Variants in NAIP observed in about 807,000 individuals in gnomAD.
The protein encoded by NAIP is NLR family apoptosis inhibitory protein.
In NAIP, 15 loss-of-function variants were observed where a neutral mutation model predicts 23.0. The ratio of observed to expected loss-of-function variants is 0.65; its 90% CI spans 0.44 to 1.00. The LOEUF (loss-of-function observed/expected upper bound fraction) is 1.00. Among genes scored for constraint, NAIP ranks in the 50% least tolerant of loss-of-function variants. The pLI, the probability that NAIP is intolerant of heterozygous loss-of-function variation, is 0.00. For synonymous variants in NAIP, 100 were observed against 100.2 expected (o/e 1.00, Z 0.01); for missense variants, 265 against 278.8 (o/e 0.95, Z 0.35).
chr5:71,011,226 G>A, intron 5 of NAIP, 49 bp downstream of exon 5: 2 of 1,433,192 alleles, frequency 1.4e-6, no homozygotes, highest in Middle Eastern at 1.8e-4. Context: ...GAGCAAGACT[G>A]TCTCAAAAAA....
intron 4 of NAIP, chr5:71,011,719 C>T (rs1453328376): frequency 2.2e-6 from 1 of 450,828 alleles, no homozygotes; most frequent in African/African-American, 2.0e-5. Flanking sequence ...TACGTTTTAG[C>T]CTTGCCATGA....
chr5:71,008,312 C>T (rs1750971287), intron 5 of NAIP, among the ~76,000 whole-genome samples: 1 of 121,074 alleles, frequency 8.3e-6, no homozygotes. Context: ...TCAAATGATC[C>T]GCCTACCTTA....
At chr5:71,010,342 C>T (rs1309433940) in intron 5 of NAIP, among the ~76,000 whole-genome samples, 1 of 151,436 alleles carries the variant, frequency 6.6e-6, no homozygotes, top group Non-Finnish European at 1.5e-5. Flanking sequence ...TATCTCGGCT[C>T]ACTGCAAGCT....
At chr5:71,011,005 G>A (rs138759217) in intron 5 of NAIP, among the ~76,000 whole-genome samples, 2,016 of 151,064 alleles carry the variant, frequency 0.013, 63 homozygotes, top group African/African-American at 0.045. Context: ...GGCCTAGGTG[G>A]GTGGACTGCC....
chr5:71,010,991 G>A (rs1022984961), intron 5 of NAIP, among the ~76,000 whole-genome samples: 11 of 151,012 alleles, frequency 7.3e-5, no homozygotes, highest in Non-Finnish European at 1.3e-4. Context: ...CTAGCACTTC[G>A]GGAGGCCTAG....
At chr5:70,980,428 A>G (rs1750499810) in intron 12 of NAIP, among the ~76,000 whole-genome samples, 1 of 12,144 alleles carries the variant, frequency 8.2e-5, no homozygotes, top group Non-Finnish European at 2.2e-4. Flanking sequence ...GGTGGTGTGC[A>G]TCTGTAATCC....
At chr5:71,000,539 AATAATAATTATT>A (rs1750771834) in intron 8 of NAIP, among the ~76,000 whole-genome samples, 7 of 125,224 alleles carry the variant, frequency 5.6e-5, no homozygotes, top group African/African-American at 2.5e-4. Context: ...TAATAATAAT[AATAATAATTATT>A]ATTATTATTA....
chr5:71,011,179 G>C, intron 5 of NAIP, 96 bp downstream of exon 5: 4 of 889,734 alleles, frequency 4.5e-6, no homozygotes, highest in Non-Finnish European at 6.8e-6. Flanking sequence ...TTTGCACCGA[G>C]CTGAAGTCAT....
At chr5:71,002,449 T>C (rs1345343778) in intron 6 of NAIP, among the ~76,000 whole-genome samples, 3 of 144,884 alleles carry the variant, frequency 2.1e-5, no homozygotes, top group Admixed American at 7.1e-5. Context: ...CGCTCTGTCG[T>C]CCAGGCTGGA....
In NAIP at chr5:71,000,552, A is replaced by G. The variant is rs1427073213; in HGVS notation, c.922+1146T>C. Reference sequence around the variant, plus strand: ...AATAATAATAATAATAATAATTATTATTATTATTATTATTTTTGAGACAGA... The same window carrying G: ...AATAATAATAATAATAATAATTATTGTTATTATTATTATTTTTGAGACAGA... On this transcript the variant is annotated intron_variant, in intron 8 of 16. Transcript: ENST00000517649. Among the ~76,000 whole-genome samples the G allele has an allele frequency of 2.3e-4, 29 of 128,000 alleles. 3 individuals are homozygous for G. Among genetic ancestry groups the G allele is most frequent in the African/African-American group, 7.8e-4 (23 of 29,666 alleles). 84.0% of individuals were successfully genotyped at this position (128,000 alleles called of 152,430 possible). A position where few individuals can be genotyped will look rare whatever the true frequency, so the allele number is the denominator to read the frequency against.
In NAIP at chr5:71,010,134, G is replaced by A. The variant is rs1339634615; in HGVS notation, c.668+1141C>T. Among the ~76,000 whole-genome samples, 3 of 151,492 alleles carry A rather than the reference G, an allele frequency of 2.0e-5. No individual in the cohort carries two copies. In the East Asian group the frequency reaches 5.8e-4, roughly 29 times the overall value. On this transcript the variant is annotated intron_variant, in intron 5 of 16. Transcript: ENST00000517649. ...TTATTTAATTAGTTTTAGAGACAGG[G>A]TCTCACTCTGTCACCCAGGCTGGAG...
Position 71,011,366 on chromosome 5 carries a change from C to G in NAIP, c.577G>C (p.Asp193His), listed in dbSNP as rs1164204159. Reference sequence around the variant, plus strand: ...CCACAGGAAAAACACTGTACCGTGTCCTGTTTACCTATATATGAAGGAAAA... The same window carrying G: ...CCACAGGAAAAACACTGTACCGTGTGCTGTTTACCTATATATGAAGGAAAA... ...EAGFVFTGKQ[D>H]TVQCFSCGGC... The change falls in exon 5 of 17, where the codon GAC becomes CAC. Residue 193 changes from aspartate to histidine, a missense_variant. Physicochemically the swap from Asp to His is moderately conservative, Grantham distance 81. Around this residue, in one of 2 missense-constraint regions of NAIP, gnomAD observed 261 missense variants for 259.2 expected, o/e 1.01. Coordinates refer to ENST00000517649, the MANE Select transcript of NAIP (RefSeq NM_004536.3). 6.3e-7 allele frequency: 1 copy of G among 1,597,446 alleles called. No homozygotes were observed. Among genetic ancestry groups the G allele is most frequent in the Middle Eastern group, 1.7e-4 (1 of 6,030 alleles).
In NAIP at chr5:70,969,708, AAG is replaced by A. The variant is rs1401350939; in HGVS notation, c.*394_*395del. ...CATGTATGAAAGTGATTCAACCGTT[AAG>A]TTAGCCATTTATTATATAAATTGAA... is the stretch of plus-strand genomic sequence containing the variant. On this transcript the variant is annotated 3_prime_UTR_variant, in exon 17 of 17. Coordinates refer to ENST00000517649, the MANE Select transcript of NAIP (RefSeq NM_004536.3). The A allele has an allele frequency of 2.7e-5, 4 of 146,998 alleles. No individual in the cohort carries two copies. The highest frequency in any genetic ancestry group is 1.1e-4 in the African/African-American group (4 of 37,976). 9.1% of individuals were successfully genotyped at this position (146,998 alleles called of 1,614,324 possible).
intron 9 of NAIP, among the ~76,000 whole-genome samples, chr5:70,996,790 C>A: frequency 8.4e-6 from 1 of 119,454 alleles, no homozygotes; most frequent in East Asian, 2.6e-4. Flanking sequence ...GAGACTCCAT[C>A]TCAAAAAAAA....
intron 5 of NAIP, among the ~76,000 whole-genome samples, chr5:71,010,893 A>G (rs965455951): frequency 6.6e-6 from 1 of 151,184 alleles, no homozygotes; most frequent in Non-Finnish European, 1.5e-5. Context: ...TGAAGGTGCT[A>G]CTCCAGAAAG....
chr5:71,009,316 ACTCCAGTCTGGG>A (rs1266226122), intron 5 of NAIP, among the ~76,000 whole-genome samples: 8 of 138,276 alleles, frequency 5.8e-5, no homozygotes, highest in South Asian at 2.3e-4. Context: ...GCACCACTAA[ACTCCAGTCTGGG>A]CTCCAGTCTG....
At chr5:71,015,576 C>G (rs1274236436) in intron 3 of NAIP, among the ~76,000 whole-genome samples, 1 of 105,298 alleles carries the variant, frequency 9.5e-6, no homozygotes, top group Non-Finnish European at 2.0e-5. Flanking sequence ...GCCTGGCCAA[C>G]ATGGCAAAAC....
At chr5:71,014,398 A>G (rs1751335824) in intron 3 of NAIP, among the ~76,000 whole-genome samples, 1 of 151,382 alleles carries the variant, frequency 6.6e-6, no homozygotes, top group Non-Finnish European at 1.5e-5. Flanking sequence ...CAGTGGCGCA[A>G]TCTCAGCTCC....
Position 71,012,576 on chromosome 5 carries a change from T to A in NAIP, c.340A>T (p.Ile114Leu). 6.2e-7 allele frequency: 1 copy of A among 1,611,854 alleles called. No individual in the cohort carries two copies. Among genetic ancestry groups the A allele is most frequent in the Non-Finnish European group, 8.5e-7 (1 of 1,178,484 alleles). ...GGATGAAACCTCTTGTGGTCTTCTA[T>A]GGGGAGTCTCGTGAGGCCGGCACCA... ...LFGAGLTRLP[I>L]EDHKRFHPDC... is the part of the protein sequence containing the mutation. Residue 114 changes from isoleucine (I) to leucine (L), a missense_variant, in exon 4 of 17, where the codon ATA becomes TTA. Ile to Leu is a conservative substitution (Grantham distance 5, BLOSUM62 2). Transcript: ENST00000517649.
Sources: gnomAD v4.1 joint callset for allele counts (sites outside exome capture counted in the v4.1 genomes callset) on GRCh38, gnomAD v4.1.1 for gene constraint, gnomAD v4.1.1 regional missense constraint, MANE v1.5 for transcripts, NCBI Gene and HGNC (gene_info 2026-07-23, HGNC 2026-07-21) for gene names.